ARMC8: variants seen among roughly 807,000 people sequenced by gnomAD.
ARMC8 encodes the protein armadillo repeat-containing protein 8.
Under a neutral mutation model 99.3 loss-of-function variants are expected in ARMC8, and 20 were observed. That is an observed-to-expected ratio of 0.20 (90% CI 0.14 to 0.29). The LOEUF (loss-of-function observed/expected upper bound fraction) is 0.29. Among genes scored for constraint, ARMC8 ranks in the 10% least tolerant of loss-of-function variants. The probability of loss-of-function intolerance (pLI) is 1.00; values close to 1 mark genes in which losing one functional copy is unlikely to be tolerated. For missense variants in ARMC8, 569 were observed against 809.5 expected, an observed-to-expected ratio of 0.70 and a Z score of 3.60; for synonymous variants, 263 against 278.3, an observed-to-expected ratio of 0.95 and a Z score of 0.55.
At chr3:138,263,639 A>G in intron 12 of ARMC8, 100 bp from the exon 13 acceptor site, 2 of 1,091,988 alleles carry the variant, frequency 1.8e-6, no homozygotes, top group South Asian at 2.5e-5. Flanking sequence ...GCCAAAAACA[A>G]CGTTAAACTT....
At chr3:138,200,094 G>A (rs2043966705) in intron 1 of ARMC8, among the ~76,000 whole-genome samples, 1 of 152,050 alleles carries the variant, frequency 6.6e-6, no homozygotes, top group Non-Finnish European at 1.5e-5. Context: ...ATCTTGAAGT[G>A]GCATTCATAG....
intron 12 of ARMC8, among the ~76,000 whole-genome samples, chr3:138,258,090 T>C (rs140367858): frequency 2.0e-5 from 3 of 152,312 alleles, no homozygotes; most frequent in African/African-American, 7.2e-5. Flanking sequence ...TGTATTTGCT[T>C]GGCTATTATG....
intron 12 of ARMC8, chr3:138,246,469 G>T: frequency 1.0e-6 from 1 of 985,220 alleles, no homozygotes; most frequent in Non-Finnish European, 1.2e-6. Flanking sequence ...TATTGCAAGG[G>T]GAGAGGCTTT....
In ARMC8 at chr3:138,241,721, C is replaced by T. The variant is rs1298335664; in HGVS notation, c.838-62C>T. The T allele has an allele frequency of 2.9e-6, 4 of 1,370,116 alleles. No homozygotes were observed. In the Admixed American group the frequency reaches 5.1e-5, roughly 17 times the overall value. The allele number at this position is 1,370,116 out of a possible 1,614,324, so 84.9% of individuals were successfully genotyped here. ...ATAAAAGCTATTGAGTTGATTCAGT[C>T]ACTATATGCTTAAGCTTTTACCTTT... On this transcript the variant is annotated intron_variant, in intron 10 of 21. Coordinates refer to ENST00000469044, the MANE Select transcript of ARMC8 (RefSeq NM_001363941.2).
At chr3:138,235,242 A>T in intron 7 of ARMC8, 128 bp downstream of exon 7, 1 of 646,678 alleles carries the variant, frequency 1.5e-6, no homozygotes, top group Non-Finnish European at 2.6e-6. Flanking sequence ...AAAATGTTAT[A>T]GGGCATCATT....
intron 5 of ARMC8, among the ~76,000 whole-genome samples, chr3:138,228,065 C>T (rs1311760783): frequency 1.3e-5 from 2 of 152,196 alleles, no homozygotes; most frequent in African/African-American, 2.4e-5. Flanking sequence ...CTGCAACCTC[C>T]GCCTCTCCGA....
At chr3:138,283,396 T>C (rs2050123014) in intron 18 of ARMC8, among the ~76,000 whole-genome samples, 1 of 152,258 alleles carries the variant, frequency 6.6e-6, no homozygotes, top group South Asian at 2.1e-4. Flanking sequence ...TCCAGGACTG[T>C]GTCACTTCCT....
At chr3:138,276,067 G>T (rs963836753) in intron 18 of ARMC8, among the ~76,000 whole-genome samples, 3 of 152,190 alleles carry the variant, frequency 2.0e-5, no homozygotes, top group African/African-American at 7.2e-5. Context: ...AGCGAAGCAA[G>T]ACAGAAAGGT....
intron 2 of ARMC8, 78 bp from the exon 3 acceptor site, chr3:138,221,848 C>T: frequency 9.0e-7 from 1 of 1,106,872 alleles, no homozygotes; most frequent in Non-Finnish European, 1.4e-6. Flanking sequence ...TAAGATATTG[C>T]ATAATGAAGT....
Position 138,290,629 on chromosome 3 carries a change from C to T in ARMC8, c.1978C>T (p.Leu660Phe). The change falls in exon 21 of 22, where the codon CTT becomes TTT. Residue 660 changes from leucine (L) to phenylalanine (F), a missense_variant. Physicochemically the swap from Leu to Phe is conservative, Grantham distance 22. This residue lies in a region of ARMC8 where 227 missense variants were observed against 417.9 expected (regional missense o/e 0.54). Transcript: ENST00000469044. ...HKLSQSPDSN[L>F]CDKAKMALQQ... ...ACTGAGTCAGTCACCAGATTCAAAC[C>T]TTTGTGACAAGTGAGTATGAATGTG... is the stretch of plus-strand genomic sequence containing the variant. 1.3e-6 allele frequency: 2 copies of T among 1,599,032 alleles called. No individual in the cohort carries two copies. Among genetic ancestry groups the T allele is most frequent in the South Asian group, 1.1e-5 (1 of 87,940 alleles).
At chr3:138,270,755 A>G (rs868431819) in intron 16 of ARMC8, among the ~76,000 whole-genome samples, 1 of 152,198 alleles carries the variant, frequency 6.6e-6, no homozygotes, top group Non-Finnish European at 1.5e-5. Flanking sequence ...ATAATTTTTT[A>G]ACAGTTTCTA....
intron 6 of ARMC8, among the ~76,000 whole-genome samples, chr3:138,232,662 G>C (rs1031856844): frequency 4.6e-5 from 7 of 152,190 alleles, no homozygotes; most frequent in Non-Finnish European, 8.8e-5. Flanking sequence ...AACTCTTTTT[G>C]TGCTGATATG....
chr3:138,194,619 T>C (rs1335699763), intron 1 of ARMC8, among the ~76,000 whole-genome samples: 2 of 151,972 alleles, frequency 1.3e-5, no homozygotes, highest in Non-Finnish European at 2.9e-5. Context: ...ATTACAGGCG[T>C]GAGCCACCGT....
chr3:138,188,261 C>G (rs547093070), intron 1 of ARMC8: 43 of 674,930 alleles, frequency 6.4e-5, no homozygotes, highest in Non-Finnish European at 9.3e-5. Flanking sequence ...TTCCCTGTGC[C>G]TGGTATTCCG....
intron 18 of ARMC8, among the ~76,000 whole-genome samples, chr3:138,282,387 C>G (rs1357188798): frequency 2.0e-5 from 3 of 152,106 alleles, no homozygotes; most frequent in Non-Finnish European, 4.4e-5. Flanking sequence ...GTGGCTCATG[C>G]CTGTAATCCC....
At chr3:138,206,958 T>A (rs1049539250) in intron 1 of ARMC8, among the ~76,000 whole-genome samples, 1 of 152,252 alleles carries the variant, frequency 6.6e-6, no homozygotes, top group Admixed American at 6.5e-5. Context: ...GCATCTAGCA[T>A]GTAACTTTGA....
intron 5 of ARMC8, 33 bp from the exon 6 acceptor site, chr3:138,228,885 T>G: frequency 7.4e-7 from 1 of 1,345,496 alleles, no homozygotes; most frequent in Non-Finnish European, 1.1e-6. Context: ...TCATGGTGCC[T>G]GAGTTTCTTG....
At chr3:138,267,480 C>T (rs2048380819) in intron 15 of ARMC8, among the ~76,000 whole-genome samples, 1 of 152,160 alleles carries the variant, frequency 6.6e-6, no homozygotes, top group Non-Finnish European at 1.5e-5. Flanking sequence ...GATATTACAT[C>T]TTCAAGTCTA....
chr3:138,281,263 A>G (rs1056915247), intron 18 of ARMC8, among the ~76,000 whole-genome samples: 1 of 150,092 alleles, frequency 6.7e-6, no homozygotes, highest in South Asian at 2.1e-4. Context: ...TAGCTCACAT[A>G]TTCAATGAGT....
Sources: gnomAD v4.1 joint callset for allele counts (sites outside exome capture counted in the v4.1 genomes callset) on GRCh38, gnomAD v4.1.1 for gene constraint, gnomAD v4.1.1 regional missense constraint, MANE v1.5 for transcripts, NCBI Gene and HGNC (gene_info 2026-07-23, HGNC 2026-07-21) for gene names.